Variants in SLIT3 observed in about 807,000 individuals in gnomAD.
SLIT3 encodes slit guidance ligand 3.
SLIT3 carries 68 observed loss-of-function variants against 184.0 expected under a neutral mutation model. The ratio of observed to expected loss-of-function variants is 0.37; its 90% CI spans 0.30 to 0.45. The LOEUF is 0.45. SLIT3 is among the 20% of genes least tolerant of loss of function. SLIT3 has a pLI of 1.00. For synonymous variants in SLIT3, 831 were observed against 828.6 expected (o/e 1.00, Z -0.05); for missense variants, 1,707 against 2,026.0 (o/e 0.84, Z 3.02).
intron 4 of SLIT3, among the ~76,000 whole-genome samples, chr5:169,130,196 T>C (rs1761246764): frequency 6.6e-6 from 1 of 152,164 alleles, no homozygotes; most frequent in South Asian, 2.1e-4. Flanking sequence ...ATGCTATTAA[T>C]GAAGGAAACC....
chr5:169,255,154 TTGA>T (rs1048329560), intron 1 of SLIT3, among the ~76,000 whole-genome samples: 1 of 152,254 alleles, frequency 6.6e-6, no homozygotes, highest in Non-Finnish European at 1.5e-5. Flanking sequence ...TACCTAATAC[TTGA>T]TAATAATAAG....
At chr5:168,842,001 TACTG>T (rs1758270739) in intron 6 of SLIT3, among the ~76,000 whole-genome samples, 7 of 152,246 alleles carry the variant, frequency 4.6e-5, no homozygotes, top group Admixed American at 4.6e-4. Flanking sequence ...TAATGTGTAA[TACTG>T]TCACTGAGTT....
intron 4 of SLIT3, among the ~76,000 whole-genome samples, chr5:168,919,102 T>G (rs1003705430): frequency 1.3e-5 from 2 of 151,642 alleles, no homozygotes; most frequent in African/African-American, 4.8e-5. Flanking sequence ...CTACTAAAAG[T>G]ACAAAAAACT....
Position 168,817,391 on chromosome 5 carries a change from C to T in SLIT3, c.702G>A (p.Arg234=), listed in dbSNP as rs140728497. 3.1e-6 allele frequency: 5 copies of T among 1,614,112 alleles called. No homozygotes were observed. Among genetic ancestry groups the T allele is most frequent in the Non-Finnish European group, 4.2e-6 (5 of 1,180,048 alleles). ...AWLSDWLRQR[R]TVGQFTLCMA... Reference sequence around the variant, plus strand: ...TGCAGAGTGTGAACTGGCCAACTGTCCGTCGCTGTCGCAGCCAATCCGAGA... The same window carrying T: ...TGCAGAGTGTGAACTGGCCAACTGTTCGTCGCTGTCGCAGCCAATCCGAGA... Residue 234 remains arginine, a synonymous_variant, in exon 8 of 36, where the codon CGG becomes CGA. Coordinates refer to ENST00000519560, the MANE Select transcript of SLIT3 (RefSeq NM_003062.4).
chr5:169,001,973 G>T (rs1260223996), intron 4 of SLIT3, among the ~76,000 whole-genome samples: 1 of 151,922 alleles, frequency 6.6e-6, no homozygotes, highest in African/African-American at 2.4e-5. Flanking sequence ...GAGAGGAGGG[G>T]ACTCAAAAGA....
intron 4 of SLIT3, among the ~76,000 whole-genome samples, chr5:168,994,635 T>C (rs1755449674): frequency 2.4e-5 from 2 of 82,800 alleles, no homozygotes; most frequent in African/African-American, 4.6e-5. Flanking sequence ...TTTTTTTTTT[T>C]TTTTTTTTTT....
intron 4 of SLIT3, among the ~76,000 whole-genome samples, chr5:169,097,980 T>A (rs1013360110): frequency 2.0e-5 from 3 of 152,306 alleles, no homozygotes; most frequent in East Asian, 1.9e-4. Context: ...AATGTTCTTT[T>A]AAAAAATTTT....
rs375099684 is a variant in SLIT3 at position 168,673,062 on chromosome 5, G to A, written c.3841+115C>T. 162 of 962,326 alleles carry A rather than the reference G, an allele frequency of 1.7e-4. 1 individual carries two copies. The highest frequency in any genetic ancestry group is 1.3e-3 in the South Asian group (84 of 64,600). 59.6% of individuals were successfully genotyped at this position (962,326 alleles called of 1,614,324 possible). ...TATTCACCTTTTAGAGATCAGCTTC[G>A]TTGTCCCTTCCTCCAGGAAGCCTTC... is the stretch of plus-strand genomic sequence containing the variant. On this transcript the variant is annotated intron_variant, in intron 33 of 35. Transcript: ENST00000519560.
intron 4 of SLIT3, among the ~76,000 whole-genome samples, chr5:169,191,728 C>T (rs556234810): frequency 1.3e-5 from 2 of 152,178 alleles, no homozygotes; most frequent in Admixed American, 6.5e-5. Context: ...CCCAGAATCT[C>T]AGAGACCTGT....
Position 169,207,700 on chromosome 5 carries a change from G to A in SLIT3, c.342-14150C>T, listed in dbSNP as rs149484776. 6.2e-3 allele frequency among the ~76,000 whole-genome samples: 940 copies of A among 152,188 alleles called. 9 individuals carry two copies. The highest frequency in any genetic ancestry group is 0.024 in the Middle Eastern group (7 of 294). ...CCTTCTTGTGTTCCCCTGTGCTATG[G>A]TCCAAATGTTTCTGTCCTTCCCCCA... On this transcript the variant is annotated intron_variant, in intron 3 of 35. Transcript: ENST00000519560.
intron 11 of SLIT3, among the ~76,000 whole-genome samples, chr5:168,788,272 C>A (rs1756231816): frequency 6.6e-6 from 1 of 152,118 alleles, no homozygotes; most frequent in African/African-American, 2.4e-5. Context: ...TCTTTGATAT[C>A]CCAGCCAGAT....
intron 27 of SLIT3, among the ~76,000 whole-genome samples, chr5:168,697,510 C>T (rs1286214485): frequency 1.3e-5 from 2 of 152,194 alleles, no homozygotes; most frequent in Non-Finnish European, 2.9e-5. Context: ...ACCCGTTTGT[C>T]AGGGATTCTC....
chr5:168,716,004 T>G (rs1324560137), intron 23 of SLIT3, among the ~76,000 whole-genome samples: 1 of 145,276 alleles, frequency 6.9e-6, no homozygotes, highest in African/African-American at 2.6e-5. Context: ...AGTCTCACTC[T>G]CTTGCCAAGC....
intron 4 of SLIT3, among the ~76,000 whole-genome samples, chr5:169,089,897 T>G (rs574940309): frequency 6.6e-6 from 1 of 152,322 alleles, no homozygotes; most frequent in South Asian, 2.1e-4. Flanking sequence ...GGCACGATGA[T>G]CCTTCCTACC....
chr5:168,946,835 A>T (rs943763929), intron 4 of SLIT3, among the ~76,000 whole-genome samples: 5 of 152,190 alleles, frequency 3.3e-5, no homozygotes, highest in Non-Finnish European at 7.3e-5. Context: ...CTACTGGAAC[A>T]CACAGCTGCT....
rs1582536393 is a variant in SLIT3, at chr5:168,692,773, AG to A, written c.3083-74del. The A allele has an allele frequency of 8.4e-6, 9 of 1,076,674 alleles. No individual in the cohort carries two copies. In the Admixed American group the frequency reaches 1.3e-4, roughly 15 times the overall value. 66.7% of individuals were successfully genotyped at this position (1,076,674 alleles called of 1,614,324 possible). A position where few individuals can be genotyped will look rare whatever the true frequency, so the allele number is the denominator to read the frequency against. ...GCCCTGGCCAGAAGATCAGAGTACT[AG>A]GGGGGATATCCTGGCCAGAAGATCA... On this transcript the variant is annotated intron_variant, in intron 28 of 35. Transcript: ENST00000519560.
intron 4 of SLIT3, among the ~76,000 whole-genome samples, chr5:169,189,689 G>T (rs1314235336): frequency 6.6e-6 from 1 of 151,286 alleles, no homozygotes; most frequent in East Asian, 1.9e-4. Context: ...CTGGAGTCAG[G>T]TTTACCAAAA....
chr5:169,279,899 T>C (rs753377634), intron 1 of SLIT3, among the ~76,000 whole-genome samples: 2 of 152,222 alleles, frequency 1.3e-5, no homozygotes, highest in African/African-American at 2.4e-5. Context: ...AATCACAAAG[T>C]GCTAAAACTG....
chr5:168,883,665 A>C (rs1760047618), intron 4 of SLIT3, among the ~76,000 whole-genome samples: 1 of 139,312 alleles, frequency 7.2e-6, no homozygotes, highest in Non-Finnish European at 1.6e-5. Flanking sequence ...TCCCGGAGAC[A>C]ACCCCCTGCC....
Sources: allele counts gnomAD v4.1 joint callset (sites outside exome capture counted in the v4.1 genomes callset), GRCh38; gene constraint gnomAD v4.1.1; transcripts MANE v1.5; gene names NCBI Gene and HGNC (gene_info 2026-07-23, HGNC 2026-07-21).